Variants in TMEM207 observed in about 807,000 individuals in gnomAD.
TMEM207 encodes SRSR846.
TMEM207 carries 15 observed loss-of-function variants against 17.4 expected under a neutral mutation model. The observed-to-expected ratio is 0.86, with a 90% CI of 0.58 to 1.33. The LOEUF (loss-of-function observed/expected upper bound fraction) is 1.33, where lower values mean the gene tolerates loss of function less well. Ranked by LOEUF, TMEM207 falls within the 40% of genes most tolerant of loss-of-function variation. TMEM207 has a pLI of 0.00. For synonymous variants in TMEM207, 70 were observed against 65.6 expected, an observed-to-expected ratio of 1.07 and a Z score of -0.33; for missense variants, 205 against 173.8, an observed-to-expected ratio of 1.18 and a Z score of -1.01.
chr3:190,436,798 A>C lies in TMEM207; in HGVS notation c.304+3446T>G, dbSNP rs190903775. On this transcript the variant is annotated intron_variant, in intron 4 of 4. Coordinates refer to ENST00000354905, the MANE Select transcript of TMEM207 (RefSeq NM_207316.3). The stretch of plus-strand genomic sequence containing the variant: ...AGAAGTTACTAGGTAAGAAGTCACT[A>C]GAGATGGGAGATCACCACTTCCTAA... 7.2e-4 allele frequency among the ~76,000 whole-genome samples: 109 copies of C among 152,316 alleles called. 2 individuals carry two copies. The highest frequency in any genetic ancestry group is 5.9e-5 in the Non-Finnish European group (4 of 68,030).
chr3:190,437,325 AATT>A (rs1719822666), intron 4 of TMEM207, among the ~76,000 whole-genome samples: 1 of 152,202 alleles, frequency 6.6e-6, no homozygotes, highest in South Asian at 2.1e-4. Flanking sequence ...CCCTAGCCCC[AATT>A]CTGGACACTT....
intron 2 of TMEM207, among the ~76,000 whole-genome samples, chr3:190,443,145 C>CTTTTTTTTTTT (rs201791052): frequency 2.0e-4 from 28 of 140,284 alleles, no homozygotes; most frequent in African/African-American, 3.9e-4. Context: ...ATTAAAAAAG[C>CTTTTTTTTTTT]TTTTTTTTTT....
chr3:190,445,332 T>C (rs1308317765), intron 2 of TMEM207, among the ~76,000 whole-genome samples: 2 of 152,256 alleles, frequency 1.3e-5, no homozygotes, highest in African/African-American at 4.8e-5. Flanking sequence ...AAGTCAGAAG[T>C]ATGATAAGAG....
At chr3:190,431,003 GATA>G (rs1427199327) in intron 4 of TMEM207, among the ~76,000 whole-genome samples, 5 of 152,126 alleles carry the variant, frequency 3.3e-5, no homozygotes, top group African/African-American at 9.7e-5. Flanking sequence ...CTTTGAAGCA[GATA>G]ATGTTAATTT....
At chr3:190,438,912 G>A (rs534944637) in intron 4 of TMEM207, among the ~76,000 whole-genome samples, 20 of 152,148 alleles carry the variant, frequency 1.3e-4, no homozygotes, top group East Asian at 7.7e-4. Context: ...ATTTCCCGCC[G>A]GGCGCGGTGG....
At chr3:190,432,200 T>C (rs562064958) in intron 4 of TMEM207, among the ~76,000 whole-genome samples, 4 of 152,260 alleles carry the variant, frequency 2.6e-5, no homozygotes, top group Non-Finnish European at 5.9e-5. Flanking sequence ...TGAGATTTCC[T>C]ATGTTTTTAA....
At chr3:190,438,570 A>G (rs1198519986) in intron 4 of TMEM207, among the ~76,000 whole-genome samples, 2 of 152,224 alleles carry the variant, frequency 1.3e-5, no homozygotes, top group East Asian at 3.9e-4. Flanking sequence ...TTAATAATAT[A>G]CTTAAAATTA....
chr3:190,438,361 C>A (rs193276645), intron 4 of TMEM207, among the ~76,000 whole-genome samples: 1 of 151,326 alleles, frequency 6.6e-6, no homozygotes, highest in African/African-American at 2.4e-5. Context: ...GTCTATTGCC[C>A]GTCACTCAGT....
chr3:190,433,011 C>A (rs1719723434), intron 4 of TMEM207, among the ~76,000 whole-genome samples: 1 of 152,190 alleles, frequency 6.6e-6, no homozygotes. Context: ...GGGAACCCAG[C>A]TCCAATCCAC....
At chr3:190,440,514 A>C in intron 3 of TMEM207, 125 bp from the exon 4 acceptor site, 1 of 764,144 alleles carries the variant, frequency 1.3e-6, no homozygotes, top group South Asian at 2.3e-5. Context: ...TGGGACACTG[A>C]ATTCCTTAAG....
At chr3:190,437,512 C>T (rs999031249) in intron 4 of TMEM207, among the ~76,000 whole-genome samples, 2 of 152,264 alleles carry the variant, frequency 1.3e-5, no homozygotes, top group South Asian at 2.1e-4. Context: ...ATTTGACAGA[C>T]GTAAAACAAA....
chr3:190,434,282 G>T (rs1072172), intron 4 of TMEM207, among the ~76,000 whole-genome samples: 2 of 152,010 alleles, frequency 1.3e-5, no homozygotes, highest in Admixed American at 6.5e-5. Flanking sequence ...CATAATTCCC[G>T]TGTGTTGTGG....
At chr3:190,439,815 G>A (rs1719889676) in intron 4 of TMEM207, among the ~76,000 whole-genome samples, 1 of 152,176 alleles carries the variant, frequency 6.6e-6, no homozygotes, top group Admixed American at 6.5e-5. Context: ...TCTGGAAAGT[G>A]TCGTTCAATG....
chr3:190,440,521 T>C, intron 3 of TMEM207, 132 bp from the exon 4 acceptor site: 1 of 702,844 alleles, frequency 1.4e-6, no homozygotes, highest in Non-Finnish European at 2.2e-6. Flanking sequence ...CTGAATTCCT[T>C]AAGCAATTTC....
intron 4 of TMEM207, among the ~76,000 whole-genome samples, chr3:190,439,070 G>C (rs904343352): frequency 2.6e-5 from 4 of 151,598 alleles, no homozygotes; most frequent in African/African-American, 9.7e-5. Context: ...CCAGCTACTC[G>C]GGAGGCTGAG....
chr3:190,431,488 T>C lies in TMEM207; in HGVS notation c.305-1757A>G, dbSNP rs867763363. Among the ~76,000 whole-genome samples the C allele has an allele frequency of 1.6e-4, 24 of 152,160 alleles. 1 individual carries two copies. The highest frequency in any genetic ancestry group is 3.4e-3 in the Middle Eastern group (1 of 294). On this transcript the variant is annotated intron_variant, in intron 4 of 4. Coordinates refer to ENST00000354905, the MANE Select transcript of TMEM207 (RefSeq NM_207316.3). Reference sequence around the variant, plus strand: ...TTATTAATTATAATATAGAAGTTATTAAATGAAAAGTATCATGGAGTTAGA... The same window carrying C: ...TTATTAATTATAATATAGAAGTTATCAAATGAAAAGTATCATGGAGTTAGA...
At chr3:190,444,364 A>G in intron 2 of TMEM207, 1 of 961,508 alleles carries the variant, frequency 1.0e-6, no homozygotes, top group Non-Finnish European at 1.2e-6. Flanking sequence ...CTCTGTCTGC[A>G]GAGTTCATGT....
At chr3:190,443,403 C>CT (rs572736695) in intron 2 of TMEM207, among the ~76,000 whole-genome samples, 8 of 151,734 alleles carry the variant, frequency 5.3e-5, no homozygotes, top group South Asian at 2.1e-4. Context: ...CTTTATTTCA[C>CT]TTTTTTTTCT....
At position 190,447,199 on chromosome 3, in the gene TMEM207, A is replaced by T. The variant is rs150055341; in HGVS notation, c.113+591T>A. Among the ~76,000 whole-genome samples the T allele has an allele frequency of 1.8e-3, 270 of 152,220 alleles. 2 individuals carry two copies. Among genetic ancestry groups the T allele is most frequent in the Non-Finnish European group, 3.2e-3 (217 of 68,022 alleles). On this transcript the variant is annotated intron_variant, in intron 2 of 4. Transcript: ENST00000354905. ...AGTGCTGGGTGGAAGTGCTTTTCTG[A>T]TACTAAATCACAATGAATTACAGAT...
Sources: gnomAD v4.1 joint callset for allele counts (sites outside exome capture counted in the v4.1 genomes callset) on GRCh38, gnomAD v4.1.1 for gene constraint, MANE v1.5 for transcripts, NCBI Gene and HGNC (gene_info 2026-07-23, HGNC 2026-07-21) for gene names.